Variants in ASTN2 observed in about 807,000 individuals in gnomAD.
The protein encoded by ASTN2 is astrotactin 2, also known as astrotactin-2.
ASTN2 carries 54 observed loss-of-function variants against 139.8 expected under a neutral mutation model. The ratio of observed to expected loss-of-function variants is 0.39; its 90% CI spans 0.31 to 0.48. ASTN2 has a LOEUF of 0.48. ASTN2 is among the 20% of genes least tolerant of loss of function. The pLI is 0.95. For synonymous variants in ASTN2, 756 were observed against 719.5 expected, an observed-to-expected ratio of 1.05 and a Z score of -0.81; for missense variants, 1,565 against 1,725.1, an observed-to-expected ratio of 0.91 and a Z score of 1.64.
chr9:117,367,229 T>C (rs1415126116), intron 1 of ASTN2, among the ~76,000 whole-genome samples: 1 of 152,208 alleles, frequency 6.6e-6, no homozygotes, highest in African/African-American at 2.4e-5. Flanking sequence ...GGCATACTAT[T>C]GTGCAGGATT....
intron 5 of ASTN2, among the ~76,000 whole-genome samples, chr9:117,083,782 G>T (rs993257037): frequency 6.6e-5 from 10 of 152,108 alleles, no homozygotes; most frequent in Non-Finnish European, 1.3e-4. Context: ...TATCGCCTTT[G>T]GTCTCCCATT....
chr9:116,591,667 A>G (rs1465241129), intron 19 of ASTN2, among the ~76,000 whole-genome samples: 2 of 152,246 alleles, frequency 1.3e-5, no homozygotes, highest in Admixed American at 6.5e-5. Flanking sequence ...TTTTTAATGC[A>G]TAAAGTTTGA....
intron 11 of ASTN2, among the ~76,000 whole-genome samples, chr9:116,851,120 G>T (rs1832586714): frequency 6.6e-6 from 1 of 152,144 alleles, no homozygotes; most frequent in Non-Finnish European, 1.5e-5. Flanking sequence ...TTCAACCAAA[G>T]GCAAGTTTGA....
At chr9:116,589,890 G>A (rs1266961345) in intron 19 of ASTN2, among the ~76,000 whole-genome samples, 2 of 152,148 alleles carry the variant, frequency 1.3e-5, no homozygotes, top group African/African-American at 4.8e-5. Context: ...CACTTCACAT[G>A]AAGAAGATCA....
intron 10 of ASTN2, among the ~76,000 whole-genome samples, chr9:116,968,288 T>C (rs1836077734): frequency 6.6e-6 from 1 of 152,138 alleles, no homozygotes; most frequent in South Asian, 2.1e-4. Context: ...TTGTTGAGGA[T>C]TGCACCTGAA....
chr9:116,734,054 A>G (rs1254033234), intron 13 of ASTN2, among the ~76,000 whole-genome samples: 2 of 152,186 alleles, frequency 1.3e-5, no homozygotes, highest in African/African-American at 2.4e-5. Flanking sequence ...TGTTTGTTAA[A>G]TGGAAGGGCC....
At chr9:116,803,644 C>A (rs1830956982) in intron 13 of ASTN2, among the ~76,000 whole-genome samples, 1 of 150,332 alleles carries the variant, frequency 6.7e-6, no homozygotes, top group East Asian at 1.9e-4. Flanking sequence ...CCTGCCTCAG[C>A]CTCCTGAGTA....
intron 10 of ASTN2, among the ~76,000 whole-genome samples, chr9:116,904,009 G>T (rs558500829): frequency 6.6e-6 from 1 of 152,314 alleles, no homozygotes; most frequent in South Asian, 2.1e-4. Flanking sequence ...GCATTTGAAA[G>T]CCTCCCCTAG....
intron 16 of ASTN2, among the ~76,000 whole-genome samples, chr9:116,686,347 T>A (rs1348768895): frequency 6.6e-6 from 1 of 152,232 alleles, no homozygotes; most frequent in Non-Finnish European, 1.5e-5. Context: ...AGTCCTCAGC[T>A]GTAGCCAGAC....
intron 3 of ASTN2, among the ~76,000 whole-genome samples, chr9:117,166,329 G>C (rs546380888): frequency 1.3e-5 from 2 of 152,214 alleles, no homozygotes; most frequent in Admixed American, 1.3e-4. Flanking sequence ...CTCCTCTTCA[G>C]TCTCATCCTT....
At chr9:117,198,957 C>T (rs1308293787) in intron 3 of ASTN2, among the ~76,000 whole-genome samples, 1 of 152,084 alleles carries the variant, frequency 6.6e-6, no homozygotes, top group Non-Finnish European at 1.5e-5. Flanking sequence ...CTGTTCATAT[C>T]CTTTGCCCAT....
chr9:117,031,128 T>C (rs1838235919), intron 6 of ASTN2, among the ~76,000 whole-genome samples: 1 of 152,108 alleles, frequency 6.6e-6, no homozygotes, highest in African/African-American at 2.4e-5. Flanking sequence ...ATTTTGGTGT[T>C]GAGGAGGGGT....
At chr9:117,106,499 C>T (rs1487580563) in intron 4 of ASTN2, among the ~76,000 whole-genome samples, 2 of 152,038 alleles carry the variant, frequency 1.3e-5, no homozygotes, top group Non-Finnish European at 2.9e-5. Flanking sequence ...GCACCCAGCC[C>T]AAGCTACATA....
Position 117,414,347 on chromosome 9 carries a change from C to G in ASTN2, c.442+150G>C. The stretch of plus-strand genomic sequence containing the variant: ...CTCCCACATGCTCGTTTCCAACCAC[C>G]TGTGCGACCTCTGGGCCCCTCCTCT... On this transcript the variant is annotated intron_variant, in intron 1 of 22. Transcript: ENST00000313400. The surrounding 1 kb of genome is among the most constrained non-coding windows in gnomAD (Gnocchi z 4.2). 7.7e-7 allele frequency: 1 copy of G among 1,305,646 alleles called. No individual in the cohort carries two copies. The highest frequency in any genetic ancestry group is 1.0e-6 in the Non-Finnish European group (1 of 992,874). The allele number at this position is 1,305,646 out of a possible 1,614,324, so 80.9% of individuals were successfully genotyped here.
intron 4 of ASTN2, among the ~76,000 whole-genome samples, chr9:117,102,031 A>T (rs1828990883): frequency 6.6e-6 from 1 of 152,190 alleles, no homozygotes; most frequent in East Asian, 1.9e-4. Flanking sequence ...ACTCCTAGGT[A>T]TATACCTCCA....
intron 11 of ASTN2, among the ~76,000 whole-genome samples, chr9:116,844,465 C>T (rs1479444171): frequency 6.6e-6 from 1 of 152,172 alleles, no homozygotes; most frequent in Non-Finnish European, 1.5e-5. Context: ...GTCAAGCAAG[C>T]TTGGGCTTGA....
intron 2 of ASTN2, among the ~76,000 whole-genome samples, chr9:117,222,216 T>G (rs1832545911): frequency 6.6e-6 from 1 of 152,118 alleles, no homozygotes; most frequent in Non-Finnish European, 1.5e-5. Flanking sequence ...AATCCTGTAG[T>G]TTGACAGTTC....
In ASTN2 at chr9:116,426,178, A is replaced by T. The variant is rs147239694; in HGVS notation, c.3783-90T>A. 8.2e-5 allele frequency: 122 copies of T among 1,488,718 alleles called. No homozygotes were observed. In the African/African-American group the frequency reaches 1.5e-3, roughly 18 times the overall value. 92.2% of individuals were successfully genotyped at this position (1,488,718 alleles called of 1,614,324 possible). On this transcript the variant is annotated intron_variant, in intron 22 of 22. Coordinates refer to ENST00000313400, the MANE Select transcript of ASTN2 (RefSeq NM_001365068.1). ...AGTAAATGTCAACAAACAAATGGTA[A>T]CTTCTCCCAACCATTTCCTATCTAC...
chr9:117,088,302 G>C (rs114641225), intron 5 of ASTN2, among the ~76,000 whole-genome samples: 1 of 151,994 alleles, frequency 6.6e-6, no homozygotes, highest in African/African-American at 2.4e-5. Flanking sequence ...AGTGTACCAC[G>C]TACCATCCGC....
Sources: gnomAD v4.1 joint callset for allele counts (sites outside exome capture counted in the v4.1 genomes callset) on GRCh38, gnomAD v4.1.1 for gene constraint, Gnocchi (gnomAD v3.1) non-coding constraint, MANE v1.5 for transcripts, NCBI Gene and HGNC (gene_info 2026-07-23, HGNC 2026-07-21) for gene names.